The following NLGN4X variants were observed in gnomAD, a reference collection of about 807,000 sequenced individuals.
The protein encoded by NLGN4X is neuroligin-4, X-linked.
A neutral mutation model predicts 40.3 loss-of-function variants in NLGN4X; 3 were observed. The ratio of observed to expected loss-of-function variants is 0.07; its 90% CI spans 0.03 to 0.19. The LOEUF (loss-of-function observed/expected upper bound fraction) is 0.19. Among genes scored for constraint, NLGN4X ranks in the 10% least tolerant of loss-of-function variants. The probability of loss-of-function intolerance (pLI) is 1.00; values close to 1 mark genes in which losing one functional copy is unlikely to be tolerated. For missense variants in NLGN4X, 382 were observed against 708.3 expected, an observed-to-expected ratio of 0.54 and a Z score of 5.23; for synonymous variants, 270 against 306.8, an observed-to-expected ratio of 0.88 and a Z score of 1.25.
Position 5,890,921 on chromosome X carries a change from G to T in NLGN4X, c.*1896C>A, listed in dbSNP as rs1016655568. Reference sequence around the variant, plus strand: ...GATTCAGTAATCAAAGGTTGTTATTGCAAAAGAGCCAGGCAGCTGGACAAT... The same window carrying T: ...GATTCAGTAATCAAAGGTTGTTATTTCAAAAGAGCCAGGCAGCTGGACAAT... On this transcript the variant is annotated 3_prime_UTR_variant, in exon 6 of 6. Transcript: ENST00000381095. 3 of 320,208 alleles carry T rather than the reference G, an allele frequency of 9.4e-6. No homozygotes were observed. In the Admixed American group the frequency reaches 9.7e-5, roughly 10 times the overall value. 26.4% of individuals were successfully genotyped at this position (320,208 alleles called of 1,213,427 possible).
chrX:6,020,902 C>T (rs924052278), intron 3 of NLGN4X, among the ~76,000 whole-genome samples: 1 of 110,435 alleles, frequency 9.1e-6, no homozygotes, highest in African/African-American at 3.3e-5. Flanking sequence ...GCCTCGAACT[C>T]CTAGGCTCAA....
chrX:5,916,176 T>A (rs1255913759), intron 3 of NLGN4X, among the ~76,000 whole-genome samples: 3 of 112,181 alleles, frequency 2.7e-5, no homozygotes, highest in Non-Finnish European at 5.6e-5. Context: ...ATGCTTTCTA[T>A]GAAAATCTTT....
intron 2 of NLGN4X, among the ~76,000 whole-genome samples, chrX:6,029,864 G>C (rs899084603): frequency 9.0e-6 from 1 of 111,252 alleles, no homozygotes; most frequent in African/African-American, 3.3e-5. Flanking sequence ...TAATATAGTT[G>C]CATCTTAATT....
intron 2 of NLGN4X, among the ~76,000 whole-genome samples, chrX:6,033,457 C>T (rs1410387581): frequency 2.7e-5 from 3 of 111,890 alleles, no homozygotes; most frequent in Non-Finnish European, 5.6e-5. Context: ...TAAGTCAGGA[C>T]AAAACATTAT....
chrX:5,972,162 T>C (rs867198677), intron 3 of NLGN4X, among the ~76,000 whole-genome samples: 2 of 109,854 alleles, frequency 1.8e-5, no homozygotes, highest in African/African-American at 6.7e-5. Context: ...TATGTGTGTG[T>C]GCATGTATGT....
chrX:6,131,365 T>C (rs2039678604), intron 2 of NLGN4X, among the ~76,000 whole-genome samples: 1 of 111,932 alleles, frequency 8.9e-6, no homozygotes, highest in African/African-American at 3.3e-5. Context: ...TAATCCATTC[T>C]CACTTCTTTG....
intron 1 of NLGN4X, among the ~76,000 whole-genome samples, chrX:6,170,948 G>A (rs2040593519): frequency 9.0e-6 from 1 of 110,822 alleles, no homozygotes. Flanking sequence ...CTCAGCCTCT[G>A]CAGTAACTGG....
chrX:6,209,834 G>C (rs1924403859), intron 1 of NLGN4X, among the ~76,000 whole-genome samples: 1 of 111,657 alleles, frequency 9.0e-6, no homozygotes, highest in Non-Finnish European at 1.9e-5. Flanking sequence ...GATTAGATTA[G>C]TTTGGTTTTC....
chrX:5,920,119 G>A (rs1461428552), intron 3 of NLGN4X, among the ~76,000 whole-genome samples: 1 of 111,843 alleles, frequency 8.9e-6, no homozygotes, highest in African/African-American at 3.3e-5. Context: ...TGATGACAAC[G>A]AAGCAGCTAC....
rs149065055 is a variant in NLGN4X at position 5,893,050 on chromosome X, C to T, written c.2218G>A (p.Asp740Asn). 7 of 1,211,135 alleles carry T rather than the reference C, an allele frequency of 5.8e-6. No individual in the cohort carries two copies. Among genetic ancestry groups the T allele is most frequent in the South Asian group, 3.5e-5 (2 of 56,905 alleles). Reference protein sequence around the residue: ...MSLQMKQLEHDHECESLQAHD... With the variant: ...MSLQMKQLEHNHECESLQAHD... Reference sequence around the variant, plus strand: ...GCCTGCAGCGACTCACACTCGTGATCGTGTTCCAGCTGCTTCATCTGCAGA... The same window carrying T: ...GCCTGCAGCGACTCACACTCGTGATTGTGTTCCAGCTGCTTCATCTGCAGA... The change falls in exon 6 of 6, where the codon GAT becomes AAT. Residue 740 changes from aspartate (D) to asparagine (N), a missense_variant. Asp to Asn is a conservative substitution (Grantham distance 23). Coordinates refer to ENST00000381095, the MANE Select transcript of NLGN4X (RefSeq NM_181332.3).
At chrX:6,064,609 T>C (rs900924233) in intron 2 of NLGN4X, among the ~76,000 whole-genome samples, 4 of 110,753 alleles carry the variant, frequency 3.6e-5, no homozygotes, top group African/African-American at 9.9e-5. Flanking sequence ...GACACATCTA[T>C]GGAAGCAGGG....
chrX:5,933,045 T>C (rs1011498553), intron 3 of NLGN4X, among the ~76,000 whole-genome samples: 1 of 110,482 alleles, frequency 9.1e-6, no homozygotes, highest in Admixed American at 9.7e-5. Flanking sequence ...CACAAGACAT[T>C]AGCAGACACA....
chrX:6,156,425 C>G lies in NLGN4X; in HGVS notation c.-305-4654G>C, dbSNP rs12007746. Among the ~76,000 whole-genome samples the G allele has an allele frequency of 7.3e-3, 807 of 110,580 alleles. 13 individuals are homozygous for G. Among genetic ancestry groups the G allele is most frequent in the Non-Finnish European group, 0.011 (556 of 52,758 alleles). On this transcript the variant is annotated intron_variant, in intron 1 of 5. Coordinates refer to ENST00000381095, the MANE Select transcript of NLGN4X (RefSeq NM_181332.3). ...TCAGGAGGCTGAGGCAGGAGAATAG[C>G]GTGAACCCAGGAGGCGGAGCTTGCA... is the stretch of plus-strand genomic sequence containing the variant.
rs183486021 is a variant in NLGN4X at position 6,157,800 on chromosome X, T to G, written c.-305-6029A>C. 1.5e-3 allele frequency among the ~76,000 whole-genome samples: 169 copies of G among 111,267 alleles called. 1 individual carries two copies. The highest frequency in any genetic ancestry group is 5.3e-3 in the African/African-American group (163 of 30,621). ...GGCCCTACCTCCTAGCACCATCACT[T>G]TGGGGTTACAACGTCAACATGGGGA... is the stretch of plus-strand genomic sequence containing the variant. On this transcript the variant is annotated intron_variant, in intron 1 of 5. Coordinates refer to ENST00000381095, the MANE Select transcript of NLGN4X (RefSeq NM_181332.3).
rs187049880 is a variant in NLGN4X, at chrX:6,089,255, C to T, written c.473-59823G>A. Among the ~76,000 whole-genome samples, 8 of 111,906 alleles carry T rather than the reference C, an allele frequency of 7.1e-5. No individual in the cohort carries two copies. In the East Asian group the frequency reaches 2.2e-3, roughly 31 times the overall value. On this transcript the variant is annotated intron_variant, in intron 2 of 5. Coordinates refer to ENST00000381095, the MANE Select transcript of NLGN4X (RefSeq NM_181332.3). ...AGCTGAAAATGAGTAAATGTTAACG[C>T]CTATTAAACTAACCAAAACTACAGG...
At position 6,022,817 on chromosome X, in the gene NLGN4X, C is replaced by T. The variant is rs144662950; in HGVS notation, c.625+6463G>A. On this transcript the variant is annotated intron_variant, in intron 3 of 5. Coordinates refer to ENST00000381095, the MANE Select transcript of NLGN4X (RefSeq NM_181332.3). ...TTTCAGAGGAAAACCCTACAAGGGA[C>T]ACCAGAACAGGGAAAGTGACCACAT... Among the ~76,000 whole-genome samples the T allele has an allele frequency of 3.9e-3, 432 of 111,809 alleles. 4 individuals carry two copies. The highest frequency in any genetic ancestry group is 0.013 in the African/African-American group (413 of 30,778).
At chrX:6,050,224 GA>G (rs2037447221) in intron 2 of NLGN4X, among the ~76,000 whole-genome samples, 1 of 111,813 alleles carries the variant, frequency 8.9e-6, no homozygotes, top group Non-Finnish European at 1.9e-5. Context: ...TTCCTGCTGT[GA>G]AAATGTTATT....
At chrX:5,964,711 G>A (rs184253282) in intron 3 of NLGN4X, among the ~76,000 whole-genome samples, 1 of 110,872 alleles carries the variant, frequency 9.0e-6, no homozygotes, top group African/African-American at 3.3e-5. Flanking sequence ...GGGGAGGGAG[G>A]GCTTGCTATG....
At chrX:6,113,425 T>C (rs12839271) in intron 2 of NLGN4X, among the ~76,000 whole-genome samples, 15,652 of 110,913 alleles carry the variant, frequency 0.14, 1,036 homozygotes, top group Non-Finnish European at 0.19. Flanking sequence ...TATATTTAAC[T>C]TTTAACTCAG....
Sources: gnomAD v4.1 joint callset for allele counts (sites outside exome capture counted in the v4.1 genomes callset) on GRCh38, gnomAD v4.1.1 for gene constraint, MANE v1.5 for transcripts, NCBI Gene and HGNC (gene_info 2026-07-23, HGNC 2026-07-21) for gene names.